Variants in ENOX1 observed in about 807,000 individuals in gnomAD.
The protein encoded by ENOX1 is ecto-NOX disulfide-thiol exchanger 1.
A neutral mutation model predicts 82.5 loss-of-function variants in ENOX1; 42 were observed. That is an observed-to-expected ratio of 0.51 (90% confidence interval 0.40 to 0.66). The LOEUF (loss-of-function observed/expected upper bound fraction) is 0.66. Ranked by LOEUF, ENOX1 falls within the 30% of genes least tolerant of loss-of-function variation. The pLI is 0.00. For missense variants in ENOX1, 608 were observed against 811.6 expected, an observed-to-expected ratio of 0.75 and a Z score of 3.05; for synonymous variants, 271 against 282.2, an observed-to-expected ratio of 0.96 and a Z score of 0.40.
intron 3 of ENOX1, among the ~76,000 whole-genome samples, chr13:43,426,301 A>G (rs1277480228): frequency 1.3e-5 from 2 of 152,224 alleles, no homozygotes; most frequent in Non-Finnish European, 2.9e-5. Flanking sequence ...ATGCAATTTC[A>G]TGTTAGCTTA....
chr13:43,644,531 C>T lies in ENOX1; in HGVS notation c.-219+22948G>A, dbSNP rs538183070. On this transcript the variant is annotated intron_variant, in intron 2 of 16. Coordinates refer to ENST00000690772, the MANE Select transcript of ENOX1 (RefSeq NM_001347969.2). ...TGAATGCTTTAGCGAAGGAATTTAA[C>T]TAAGAATTTAAAGCTTCACCCAAGC... Among the ~76,000 whole-genome samples the T allele has an allele frequency of 2.6e-5, 4 of 152,260 alleles. No homozygotes were observed. The South Asian group carries it at 8.3e-4, about 32-fold the overall frequency.
At chr13:43,413,874 ATG>A (rs2153600117) in intron 3 of ENOX1, among the ~76,000 whole-genome samples, 2 of 151,916 alleles carry the variant, frequency 1.3e-5, no homozygotes, top group South Asian at 4.2e-4. Context: ...GAGCTTTCAC[ATG>A]TATTTTAAGT....
intron 2 of ENOX1, among the ~76,000 whole-genome samples, chr13:43,493,960 A>G (rs1275051913): frequency 2.6e-5 from 4 of 152,214 alleles, no homozygotes; most frequent in Non-Finnish European, 5.9e-5. Flanking sequence ...AGGGGAAGCA[A>G]GGCATCTTCT....
At chr13:43,728,775 G>A (rs1002022681) in intron 1 of ENOX1, among the ~76,000 whole-genome samples, 3 of 152,188 alleles carry the variant, frequency 2.0e-5, no homozygotes, top group Non-Finnish European at 2.9e-5. Flanking sequence ...TTTGGGGTGA[G>A]ATGTCACTAA....
chr13:43,640,574 G>A (rs1207754946), intron 2 of ENOX1, among the ~76,000 whole-genome samples: 2 of 152,102 alleles, frequency 1.3e-5, no homozygotes, highest in Non-Finnish European at 2.9e-5. Flanking sequence ...CACTAAAGTA[G>A]TTACTTGAGT....
chr13:43,478,589 C>A (rs993005223), intron 3 of ENOX1, among the ~76,000 whole-genome samples: 2 of 152,018 alleles, frequency 1.3e-5, no homozygotes, highest in Admixed American at 6.6e-5. Context: ...ATAAATGTAG[C>A]CTTTTCATAG....
chr13:43,457,267 C>T (rs2057277357), intron 3 of ENOX1, among the ~76,000 whole-genome samples: 1 of 152,138 alleles, frequency 6.6e-6, no homozygotes, highest in African/African-American at 2.4e-5. Flanking sequence ...GTTACTTGGA[C>T]AAACTAGTAA....
intron 2 of ENOX1, among the ~76,000 whole-genome samples, chr13:43,660,697 C>T (rs1026552621): frequency 1.4e-4 from 21 of 152,212 alleles, no homozygotes; most frequent in Middle Eastern, 3.4e-3. Context: ...AGAGAGTATT[C>T]AGAGAGAAAA....
At chr13:43,456,913 A>G (rs1437362527) in intron 3 of ENOX1, among the ~76,000 whole-genome samples, 1 of 152,142 alleles carries the variant, frequency 6.6e-6, no homozygotes. Context: ...AGTGCACCTC[A>G]GCTATTCCTC....
intron 2 of ENOX1, among the ~76,000 whole-genome samples, chr13:43,657,277 A>G (rs937456552): frequency 2.0e-5 from 3 of 152,250 alleles, no homozygotes; most frequent in African/African-American, 7.2e-5. Context: ...GACTAGGCCC[A>G]GAGATAACTG....
intron 5 of ENOX1, among the ~76,000 whole-genome samples, chr13:43,370,321 C>G (rs527627965): frequency 2.0e-5 from 3 of 151,898 alleles, no homozygotes; most frequent in Non-Finnish European, 4.4e-5. Context: ...GAGCCGAGAT[C>G]GCGCCACTGC....
chr13:43,673,775 C>T (rs1218642367), intron 1 of ENOX1, among the ~76,000 whole-genome samples: 1 of 152,188 alleles, frequency 6.6e-6, no homozygotes, highest in Non-Finnish European at 1.5e-5. Flanking sequence ...CTTGTGTGTG[C>T]TCACTCATTT....
chr13:43,772,210 T>C (rs2153837261), intron 1 of ENOX1, among the ~76,000 whole-genome samples: 1 of 152,288 alleles, frequency 6.6e-6, no homozygotes, highest in South Asian at 2.1e-4. Context: ...TGGTATTTCA[T>C]GATACTGGCA....
chr13:43,291,252 T>A (rs1293885625), intron 12 of ENOX1, among the ~76,000 whole-genome samples: 1 of 152,184 alleles, frequency 6.6e-6, no homozygotes, highest in Non-Finnish European at 1.5e-5. Context: ...CATCCCTGTG[T>A]CTGGAACGGA....
intron 2 of ENOX1, among the ~76,000 whole-genome samples, chr13:43,488,638 C>T (rs180741436): frequency 6.6e-6 from 1 of 152,156 alleles, no homozygotes; most frequent in African/African-American, 2.4e-5. Flanking sequence ...AAAGCCTGTA[C>T]CGTCATGAAC....
At chr13:43,463,070 T>C (rs1359619315) in intron 3 of ENOX1, among the ~76,000 whole-genome samples, 3 of 152,206 alleles carry the variant, frequency 2.0e-5, no homozygotes. Flanking sequence ...ATCCTGCCAT[T>C]ATCTCTCTCT....
intron 3 of ENOX1, among the ~76,000 whole-genome samples, chr13:43,424,556 C>G (rs955532098): frequency 2.6e-5 from 4 of 152,200 alleles, no homozygotes. Flanking sequence ...ATTAGTTACT[C>G]TTTAAACAAA....
intron 16 of ENOX1, among the ~76,000 whole-genome samples, chr13:43,214,475 A>G (rs1338780418): frequency 6.6e-6 from 1 of 152,150 alleles, no homozygotes; most frequent in Non-Finnish European, 1.5e-5. Context: ...CACTCCTGGA[A>G]AGCTACTAGT....
chr13:43,371,080 A>T (rs963429046), intron 5 of ENOX1, among the ~76,000 whole-genome samples: 5 of 152,122 alleles, frequency 3.3e-5, no homozygotes, highest in African/African-American at 1.2e-4. Context: ...TTAGCCGATG[A>T]TTAATTTTCT....
Sources: gnomAD v4.1 joint callset for allele counts (sites outside exome capture counted in the v4.1 genomes callset) on GRCh38, gnomAD v4.1.1 for gene constraint, MANE v1.5 for transcripts, NCBI Gene and HGNC (gene_info 2026-07-23, HGNC 2026-07-21) for gene names.